Variants in TNNI3K observed in about 807,000 individuals in gnomAD.
TNNI3K encodes the protein serine/threonine-protein kinase TNNI3K.
TNNI3K carries 140 observed loss-of-function variants against 114.5 expected under a neutral mutation model. That is an observed-to-expected ratio of 1.22 (90% CI 1.07 to 1.41). The LOEUF (loss-of-function observed/expected upper bound fraction) is 1.41, where lower values mean the gene tolerates loss of function less well. TNNI3K is among the 40% of genes most tolerant of loss of function. The pLI, the probability that TNNI3K is intolerant of heterozygous loss-of-function variation, is 0.00. For missense variants in TNNI3K, 1,125 were observed against 1,007.6 expected (o/e 1.12, Z -1.58); for synonymous variants, 347 against 347.5 (o/e 1.00, Z 0.02).
Position 74,336,077 on chromosome 1 carries a change from C to T in TNNI3K, c.610C>T (p.Leu204Phe), listed in dbSNP as rs762061269. The T allele has an allele frequency of 1.2e-6, 2 of 1,602,586 alleles. No homozygotes were observed. Among genetic ancestry groups the T allele is most frequent in the Non-Finnish European group, 1.7e-6 (2 of 1,176,708 alleles). Residue 204 changes from leucine (L) to phenylalanine (F), a missense_variant, in exon 7 of 25, where the codon CTC becomes TTC. Physicochemically the swap from Leu to Phe is conservative, Grantham distance 22. Transcript: ENST00000326637. ...NVSGEVGDRP[L>F]HLASAKGFLN... ...AAGTGGTGAAGTTGGAGATAGACCCCTCCACCTAGCATCTGCAAAAGGATT... is the reference window on the plus strand; with the variant it reads ...AAGTGGTGAAGTTGGAGATAGACCCTTCCACCTAGCATCTGCAAAAGGATT...
chr1:74,285,040 TAA>T (rs1557474043), intron 5 of TNNI3K, among the ~76,000 whole-genome samples: 1 of 152,242 alleles, frequency 6.6e-6, no homozygotes. Flanking sequence ...TTCAGAAATA[TAA>T]AGATTATTCT....
At chr1:74,347,428 C>A (rs1259057380) in intron 9 of TNNI3K, among the ~76,000 whole-genome samples, 1 of 151,928 alleles carries the variant, frequency 6.6e-6, no homozygotes, top group African/African-American at 2.4e-5. Context: ...GGTTCCAAGT[C>A]TTTGCTATTG....
intron 20 of TNNI3K, among the ~76,000 whole-genome samples, chr1:74,461,218 C>T (rs535952999): frequency 1.6e-4 from 25 of 152,208 alleles, no homozygotes; most frequent in African/African-American, 3.9e-4. Context: ...TGGTGCCTCA[C>T]GCCTGTAATC....
intron 21 of TNNI3K, chr1:74,480,185 T>A (rs180848044): frequency 4.2e-6 from 3 of 717,374 alleles, no homozygotes; most frequent in African/African-American, 3.5e-5. Flanking sequence ...CAGGGCCACA[T>A]CTGGTCCTGG....
At chr1:74,422,555 T>A (rs1024056595) in intron 17 of TNNI3K, among the ~76,000 whole-genome samples, 1 of 152,070 alleles carries the variant, frequency 6.6e-6, no homozygotes, top group African/African-American at 2.4e-5. Context: ...AGTCCCTTAC[T>A]CATTCCACAT....
At chr1:74,538,558 T>C (rs1483215748) in intron 23 of TNNI3K, among the ~76,000 whole-genome samples, 1 of 152,080 alleles carries the variant, frequency 6.6e-6, no homozygotes, top group African/African-American at 2.4e-5. Flanking sequence ...AAGATAATTT[T>C]CTATAGTTCT....
intron 17 of TNNI3K, chr1:74,418,406 T>C (rs1270038584): frequency 6.2e-6 from 1 of 161,462 alleles, no homozygotes; most frequent in Admixed American, 6.3e-5. Context: ...CTCATTCTAA[T>C]GCTTTTTTTT....
At chr1:74,265,913 A>G (rs1448640702) in intron 4 of TNNI3K, among the ~76,000 whole-genome samples, 2 of 147,928 alleles carry the variant, frequency 1.4e-5, no homozygotes, top group African/African-American at 5.0e-5. Flanking sequence ...AAGGGAAAAT[A>G]CACACATAAA....
At position 74,529,966 on chromosome 1, in the gene TNNI3K, G is replaced by GT. The variant is rs768974978; in HGVS notation, c.2352-10261dup. Among the ~76,000 whole-genome samples, 34 of 152,110 alleles carry GT rather than the reference G, an allele frequency of 2.2e-4. 1 individual carries two copies. Among genetic ancestry groups the GT allele is most frequent in the South Asian group, 8.3e-4 (4 of 4,814 alleles). On this transcript the variant is annotated intron_variant, in intron 23 of 24. Coordinates refer to ENST00000326637, the MANE Select transcript of TNNI3K (RefSeq NM_015978.3). ...GAAGTTTACCTGTACATGCCTATGG[G>GT]TTTTTTTCCTTGTTTTGAGGCAGGG... is the stretch of plus-strand genomic sequence containing the variant.
intron 2 of TNNI3K, among the ~76,000 whole-genome samples, chr1:74,247,447 G>A (rs1043266253): frequency 1.3e-5 from 2 of 152,158 alleles, no homozygotes; most frequent in African/African-American, 4.8e-5. Context: ...AAAAGCGAAA[G>A]AACAAAGCTC....
chr1:74,349,339 T>G (rs1290588431), intron 9 of TNNI3K, among the ~76,000 whole-genome samples: 1 of 152,214 alleles, frequency 6.6e-6, no homozygotes, highest in African/African-American at 2.4e-5. Context: ...TCATGGTGGA[T>G]AAGCTTTTTA....
chr1:74,340,939 G>A (rs74096708), intron 7 of TNNI3K, among the ~76,000 whole-genome samples: 4,054 of 152,210 alleles, frequency 0.027, 196 homozygotes, highest in African/African-American at 0.094. Context: ...TCAAAGGTTT[G>A]TTTGTAATAA....
rs767338723 is a variant in TNNI3K at position 74,439,613 on chromosome 1, C to T, written c.2002C>T (p.Leu668Phe). 35 of 1,613,294 alleles carry T rather than the reference C, an allele frequency of 2.2e-5. No homozygotes were observed. Among genetic ancestry groups the T allele is most frequent in the Non-Finnish European group, 2.9e-5 (34 of 1,179,556 alleles). Residue 668 changes from leucine (L) to phenylalanine (F), a missense_variant, in exon 20 of 25, where the codon CTC (leucine) becomes TTC (phenylalanine). By Grantham distance (22) the Leu-to-Phe change is conservative. Transcript: ENST00000326637. ...CACTGGCGAAATTCCATTCGCTCAT[C>T]TCAAGCCAGGTAAGACACACTGCAA... ...ILTGEIPFAHLKPAAAAADMA... is the reference protein window; with the variant it reads ...ILTGEIPFAHFKPAAAAADMA...
At chr1:74,426,152 C>G (rs1056325209) in intron 17 of TNNI3K, among the ~76,000 whole-genome samples, 3 of 152,038 alleles carry the variant, frequency 2.0e-5, no homozygotes, top group African/African-American at 7.2e-5. Flanking sequence ...ATGGAGATAC[C>G]ATAGTAAAAG....
chr1:74,493,081 C>T (rs1357956644), intron 23 of TNNI3K, among the ~76,000 whole-genome samples: 2 of 152,142 alleles, frequency 1.3e-5, no homozygotes, highest in African/African-American at 4.8e-5. Flanking sequence ...AAGGCCTTCT[C>T]TCCAATTTAG....
chr1:74,422,968 T>C (rs967602104), intron 17 of TNNI3K, among the ~76,000 whole-genome samples: 9 of 152,142 alleles, frequency 5.9e-5, no homozygotes, highest in African/African-American at 2.2e-4. Context: ...TTGTCTCAGT[T>C]GGTGGATTCA....
At chr1:74,313,181 T>TTGTG (rs1659096262) in intron 5 of TNNI3K, among the ~76,000 whole-genome samples, 2 of 152,202 alleles carry the variant, frequency 1.3e-5, no homozygotes, top group South Asian at 4.1e-4. Context: ...AATACAGGCA[T>TTGTG]TATCTCTTTG....
At chr1:74,256,283 C>CTTTTTTTTTTTTTTTTTTTTTTTTT (rs61636791) in intron 4 of TNNI3K, among the ~76,000 whole-genome samples, 2 of 42,780 alleles carry the variant, frequency 4.7e-5, no homozygotes, top group African/African-American at 6.6e-5. Context: ...TGTGGTCAGT[C>CTTTTTTTTTTTTTTTTTTTTTTTTT]TTTTTTTTTT....
At chr1:74,302,239 T>A (rs1658371419) in intron 5 of TNNI3K, among the ~76,000 whole-genome samples, 2 of 152,234 alleles carry the variant, frequency 1.3e-5, no homozygotes, top group South Asian at 4.1e-4. Context: ...GTGAACTTAA[T>A]ACAAATTTTA....
Sources: allele counts gnomAD v4.1 joint callset (sites outside exome capture counted in the v4.1 genomes callset), GRCh38; gene constraint gnomAD v4.1.1; transcripts MANE v1.5; gene names NCBI Gene and HGNC (gene_info 2026-07-23, HGNC 2026-07-21).